TPO: variants seen among roughly 807,000 people sequenced by gnomAD.
TPO encodes the protein thyroid peroxidase, also known as thyroid microsomal antigen.
A neutral mutation model predicts 96.9 loss-of-function variants in TPO; 78 were observed. That is an observed-to-expected ratio of 0.81 (90% CI 0.67 to 0.97). TPO has a LOEUF of 0.97. TPO is among the 50% of genes least tolerant of loss of function. TPO has a pLI of 0.00. For synonymous variants in TPO, 547 were observed against 538.0 expected, an observed-to-expected ratio of 1.02 and a Z score of -0.23; for missense variants, 1,252 against 1,274.8, an observed-to-expected ratio of 0.98 and a Z score of 0.27.
intron 15 of TPO, among the ~76,000 whole-genome samples, chr2:1,524,369 A>C (rs1165894579): frequency 2.0e-5 from 2 of 98,310 alleles, no homozygotes; most frequent in Non-Finnish European, 4.0e-5. Context: ...CACTCTGTTC[A>C]ACCTCCCCAA....
At chr2:1,515,726 C>G (rs28913001) in intron 14 of TPO, among the ~76,000 whole-genome samples, 3,234 of 152,112 alleles carry the variant, frequency 0.021, 109 homozygotes, top group African/African-American at 0.074. Flanking sequence ...CAGTCACCCA[C>G]AGACGCATTC....
chr2:1,526,276 C>T (rs1453529701), intron 15 of TPO, among the ~76,000 whole-genome samples: 4 of 120,528 alleles, frequency 3.3e-5, no homozygotes, highest in East Asian at 2.8e-4. Context: ...ACCCCAGTCC[C>T]CCCACAGTGT....
chr2:1,428,789 C>T lies in TPO; in HGVS notation c.180-4649C>T, dbSNP rs181157136. Among the ~76,000 whole-genome samples the T allele has an allele frequency of 3.2e-3, 488 of 152,250 alleles. 4 individuals are homozygous for T. Among genetic ancestry groups the T allele is most frequent in the South Asian group, 1.0e-2 (48 of 4,822 alleles). On this transcript the variant is annotated intron_variant, in intron 3 of 16. Transcript: ENST00000329066. Reference sequence around the variant, plus strand: ...TAGATAAATGTCTCCAAGGAAAGCACGCGTTTTGGGGAGGGTTGCTATCCT... The same window carrying T: ...TAGATAAATGTCTCCAAGGAAAGCATGCGTTTTGGGGAGGGTTGCTATCCT...
chr2:1,477,858 CG>C, intron 8 of TPO: 1 of 985,442 alleles, frequency 1.0e-6, no homozygotes, highest in Non-Finnish European at 1.2e-6. Flanking sequence ...GGCGGCCCTC[CG>C]GGGCCCCTCT....
chr2:1,394,259 C>G (rs1236829628), intron 1 of TPO, among the ~76,000 whole-genome samples: 2 of 152,174 alleles, frequency 1.3e-5, no homozygotes, highest in Non-Finnish European at 2.9e-5. Context: ...TTATACATTT[C>G]AGCTATTTTT....
chr2:1,433,897 G>T (rs960848221), intron 4 of TPO, among the ~76,000 whole-genome samples: 1 of 152,114 alleles, frequency 6.6e-6, no homozygotes, highest in Non-Finnish European at 1.5e-5. Context: ...AAATAATTTA[G>T]GAATTTTCCC....
intron 1 of TPO, among the ~76,000 whole-genome samples, chr2:1,390,388 G>C (rs567213844): frequency 6.6e-6 from 1 of 152,262 alleles, no homozygotes; most frequent in South Asian, 2.1e-4. Flanking sequence ...TGGTGTATAT[G>C]TGCCACATTT....
chr2:1,452,559 A>G (rs1436967520), intron 5 of TPO, among the ~76,000 whole-genome samples: 3 of 152,298 alleles, frequency 2.0e-5, no homozygotes, highest in African/African-American at 7.2e-5. Context: ...GTGCCTAGAA[A>G]CCTGCTCCTG....
At chr2:1,527,550 T>TTAG (rs1337023580) in intron 15 of TPO, among the ~76,000 whole-genome samples, 1 of 144,340 alleles carries the variant, frequency 6.9e-6, no homozygotes, top group Non-Finnish European at 1.5e-5. Context: ...CCAACTGTGT[T>TTAG]CAGCTTCCCC....
intron 12 of TPO, 52 bp downstream of exon 12, chr2:1,496,249 A>G (rs1240076799): frequency 6.3e-7 from 1 of 1,585,634 alleles, no homozygotes; most frequent in East Asian, 2.2e-5. Context: ...ATCTCATCAA[A>G]CAAAGCTTAT....
chr2:1,476,392 T>C (rs1398320423), intron 7 of TPO, among the ~76,000 whole-genome samples: 1 of 152,052 alleles, frequency 6.6e-6, no homozygotes, highest in Admixed American at 6.5e-5. Context: ...AACCTGTAAA[T>C]CTGGAAAAAA....
At position 1,477,555 on chromosome 2, in the gene TPO, C is replaced by A; in HGVS notation, c.1289C>A (p.Ala430Glu). Reference sequence around the variant, plus strand: ...AAGGCCCTCAATGCGCACTGGAGCGCGGACGCCGTGTACCAGGAGGCGCGC... The same window carrying A: ...AAGGCCCTCAATGCGCACTGGAGCGAGGACGCCGTGTACCAGGAGGCGCGC... ...ALKALNAHWS[A>E]DAVYQEARKV... Residue 430 changes from alanine to glutamate, a missense_variant, in exon 8 of 17, where the codon GCG (alanine) becomes GAG (glutamate). Ala to Glu is a moderately radical substitution (Grantham distance 107, BLOSUM62 -1). Transcript: ENST00000329066. 1 of 1,536,338 alleles carries A rather than the reference C, an allele frequency of 6.5e-7. No individual in the cohort carries two copies.
chr2:1,465,023 A>G (rs1017739122), intron 7 of TPO, among the ~76,000 whole-genome samples: 1 of 152,160 alleles, frequency 6.6e-6, no homozygotes, highest in African/African-American at 2.4e-5. Flanking sequence ...TAGAGTTTTT[A>G]TGGTTTCAGG....
chr2:1,490,910 G>T (rs565921697), intron 10 of TPO, among the ~76,000 whole-genome samples: 2 of 152,188 alleles, frequency 1.3e-5, no homozygotes, highest in Admixed American at 1.3e-4. Flanking sequence ...AGTGGCTCAC[G>T]CCTGTAATCC....
At chr2:1,472,849 AAAG>A (rs1400620196) in intron 7 of TPO, among the ~76,000 whole-genome samples, 4,837 of 147,934 alleles carry the variant, frequency 0.033, 106 homozygotes, top group East Asian at 0.11. Context: ...AAAAAAAAAA[AAAG>A]GAGAGAGAGA....
At chr2:1,384,545 T>A (rs868331291) in intron 1 of TPO, among the ~76,000 whole-genome samples, 10 of 152,218 alleles carry the variant, frequency 6.6e-5, no homozygotes, top group South Asian at 6.2e-4. Context: ...TGCTTGTGAT[T>A]TTTGCACATT....
At chr2:1,481,340 G>T (rs868655125) in intron 8 of TPO, among the ~76,000 whole-genome samples, 39 of 152,236 alleles carry the variant, frequency 2.6e-4, no homozygotes, top group African/African-American at 9.2e-4. Flanking sequence ...GAGTCTGGGT[G>T]TGCCATCCAG....
chr2:1,493,712 T>G, intron 10 of TPO, 90 bp from the exon 11 acceptor site: 2 of 1,491,742 alleles, frequency 1.3e-6, no homozygotes. Context: ...CCTGCTGCGC[T>G]TCCAGTCTCG....
intron 14 of TPO, among the ~76,000 whole-genome samples, chr2:1,508,881 T>C (rs1192592683): frequency 2.6e-5 from 4 of 152,212 alleles, no homozygotes; most frequent in Admixed American, 2.6e-4. Flanking sequence ...GTATCTCTAT[T>C]TCCTTCAGTT....
Sources: gnomAD v4.1 joint callset for allele counts (sites outside exome capture counted in the v4.1 genomes callset) on GRCh38, gnomAD v4.1.1 for gene constraint, MANE v1.5 for transcripts, NCBI Gene and HGNC (gene_info 2026-07-23, HGNC 2026-07-21) for gene names.